Variants in DEFB132 observed in about 807,000 individuals in gnomAD.
DEFB132 encodes the protein defensin beta 132.
Under a neutral mutation model 2.5 loss-of-function variants are expected in DEFB132, and 5 were observed. The ratio of observed to expected loss-of-function variants is 2.00; its 90% confidence interval spans 1.04 to 4.20. DEFB132 has a LOEUF of 4.20. Ranked by LOEUF, DEFB132 falls within the 30% of genes most tolerant of loss-of-function variation. DEFB132 has a pLI of 0.00. For synonymous variants in DEFB132, 53 were observed against 46.2 expected, an observed-to-expected ratio of 1.15 and a Z score of -0.60; for missense variants, 112 against 110.0, an observed-to-expected ratio of 1.02 and a Z score of -0.08.
chr20:259,138 C>A lies in DEFB132; in HGVS notation c.120C>A (p.His40Gln). ...NTPGYCRTCCHWGETALFMCN... is the reference protein window; with the variant it reads ...NTPGYCRTCCQWGETALFMCN... ...CAGGATACTGCAGGACATGTTGCCA[C>A]TGGGGGGAGACAGCATTGTTCATGT... The change falls in exon 2 of 2, where the codon CAC (histidine) becomes CAA (glutamine). Residue 40 changes from histidine to glutamine, a missense_variant. Transcript: ENST00000382376. The A allele has an allele frequency of 6.2e-7, 1 of 1,614,198 alleles. No individual in the cohort carries two copies. Among genetic ancestry groups the A allele is most frequent in the Non-Finnish European group, 8.5e-7 (1 of 1,180,042 alleles).
At position 260,860 on chromosome 20, in the gene DEFB132, G is replaced by T. The variant is rs2011636913; in HGVS notation, c.*1554G>T. The stretch of plus-strand genomic sequence containing the variant: ...ATATAACAATAGAGGCAGAACTCAT[G>T]TAAGAATAAATTGATTAGGTGGTAT... On this transcript the variant is annotated 3_prime_UTR_variant, in exon 2 of 2. Transcript: ENST00000382376. 1 of 152,240 alleles carries T rather than the reference G, an allele frequency of 6.6e-6. No homozygotes were observed. Among genetic ancestry groups the T allele is most frequent in the Non-Finnish European group, 1.5e-5 (1 of 68,046 alleles). 9.4% of individuals were successfully genotyped at this position (152,240 alleles called of 1,614,324 possible). A position where few individuals can be genotyped will look rare whatever the true frequency, so the allele number is the denominator to read the frequency against.
intron 1 of DEFB132, 90 bp from the exon 2 acceptor site, chr20:258,984 CAAA>C (rs1187362740): frequency 4.6e-6 from 6 of 1,303,846 alleles, no homozygotes; most frequent in Non-Finnish European, 6.4e-6. Flanking sequence ...CACCTCAGAA[CAAA>C]AAGCCAAACA....
chr20:258,413 G>C (rs191776212), intron 1 of DEFB132, among the ~76,000 whole-genome samples: 58 of 152,258 alleles, frequency 3.8e-4, no homozygotes, highest in African/African-American at 1.4e-3. Context: ...GAGATCAGAG[G>C]AGGGCCAGGC....
In DEFB132 at chr20:259,319, T is replaced by A. The variant is rs2011616628; in HGVS notation, c.*13T>A. ...CGTAACATCATAATAACCACTGCTA[T>A]CGCCTCCACCAACTCAGAGAAATAT... On this transcript the variant is annotated 3_prime_UTR_variant, in exon 2 of 2. Coordinates refer to ENST00000382376, the MANE Select transcript of DEFB132 (RefSeq NM_207469.3). 2 of 1,612,488 alleles carry A rather than the reference T, an allele frequency of 1.2e-6. No individual in the cohort carries two copies. Among genetic ancestry groups the A allele is most frequent in the African/African-American group, 2.7e-5 (2 of 74,860 alleles).
rs2011639805 is a variant in DEFB132, at chr20:261,039, G to A, written c.*1733G>A. On this transcript the variant is annotated 3_prime_UTR_variant, in exon 2 of 2. Coordinates refer to ENST00000382376, the MANE Select transcript of DEFB132 (RefSeq NM_207469.3). ...ATACTGGTTTGTTGATGGACATTTGGGTTGTTCCCAGTTTATGGCTATTAC... is the reference window on the plus strand; with the variant it reads ...ATACTGGTTTGTTGATGGACATTTGAGTTGTTCCCAGTTTATGGCTATTAC... 6.6e-6 allele frequency: 1 copy of A among 152,092 alleles called. No individual in the cohort carries two copies. Among genetic ancestry groups the A allele is most frequent in the Non-Finnish European group, 1.5e-5 (1 of 68,056 alleles). 9.4% of individuals were successfully genotyped at this position (152,092 alleles called of 1,614,324 possible).
At chr20:258,123 C>T (rs148409643) in intron 1 of DEFB132, among the ~76,000 whole-genome samples, 463 of 152,334 alleles carry the variant, frequency 3.0e-3, no homozygotes, top group Non-Finnish European at 4.7e-3. Flanking sequence ...TTATATCTAA[C>T]CTCCTAAGAC....
chr20:257,742 T>C lies in DEFB132; in HGVS notation c.-37T>C. 1 of 1,599,938 alleles carries C rather than the reference T, an allele frequency of 6.3e-7. No homozygotes were observed. ...ACATTACAGAGGGACCCAACTCCATTAAACCACCACCAGCTCCCCAAGCCA... is the reference window on the plus strand; with the variant it reads ...ACATTACAGAGGGACCCAACTCCATCAAACCACCACCAGCTCCCCAAGCCA... On this transcript the variant is annotated 5_prime_UTR_variant, in exon 1 of 2. Transcript: ENST00000382376.
chr20:259,707 G>A lies in DEFB132; in HGVS notation c.*401G>A. ...TGTCAAAGGAGAGAGGGATAGAGGA[G>A]GATTGAATAGAAGGAGACTAAGACT... On this transcript the variant is annotated 3_prime_UTR_variant, in exon 2 of 2. Coordinates refer to ENST00000382376, the MANE Select transcript of DEFB132 (RefSeq NM_207469.3). The A allele has an allele frequency of 3.8e-6, 1 of 265,960 alleles. No homozygotes were observed. The highest frequency in any genetic ancestry group is 1.1e-4 in the East Asian group (1 of 9,232). The allele number at this position is 265,960 out of a possible 1,614,324, so 16.5% of individuals were successfully genotyped here. A position where few individuals can be genotyped will look rare whatever the true frequency, so the allele number is the denominator to read the frequency against.
chr20:258,653 T>C (rs419762), intron 1 of DEFB132, among the ~76,000 whole-genome samples: 96,913 of 151,930 alleles, frequency 0.64, 31,397 homozygotes, highest in African/African-American at 0.74. Context: ...TGACTCATAT[T>C]TACAGTTTTA....
chr20:257,792 TCCTGG>T lies in DEFB132; in HGVS notation c.15_19del (p.Val7GlyfsTer22). On this transcript the variant is annotated frameshift_variant, in exon 1 of 2. Coordinates refer to ENST00000382376, the MANE Select transcript of DEFB132 (RefSeq NM_207469.3). LOFTEE classifies it low-confidence loss of function (END_TRUNC). ...ACCCCTTCAGCCATGAAGTTCCTGC[TCCTGG>T]TCTTGGCAGCCCTCGGATTCCTGAC... 1 of 1,551,226 alleles carries T rather than the reference TCCTGG, an allele frequency of 6.4e-7. No homozygotes were observed. The highest frequency in any genetic ancestry group is 8.7e-7 in the Non-Finnish European group (1 of 1,151,042).
At chr20:259,008 G>A (rs1348481551) in intron 1 of DEFB132, 69 bp from the exon 2 acceptor site, 2 of 1,498,858 alleles carry the variant, frequency 1.3e-6, no homozygotes. Flanking sequence ...CTCCCATCTG[G>A]CGCTGACGCT....
rs1038030675 is a variant in DEFB132, at chr20:259,321, G to A, written c.*15G>A. ...TAACATCATAATAACCACTGCTATC[G>A]CCTCCACCAACTCAGAGAAATATCA... On this transcript the variant is annotated 3_prime_UTR_variant, in exon 2 of 2. Transcript: ENST00000382376. 13 of 1,611,706 alleles carry A rather than the reference G, an allele frequency of 8.1e-6. No homozygotes were observed. Among genetic ancestry groups the A allele is most frequent in the East Asian group, 6.7e-5 (3 of 44,884 alleles).
chr20:260,183 A>G lies in DEFB132; in HGVS notation c.*877A>G, dbSNP rs1276256186. 3 of 152,238 alleles carry G rather than the reference A, an allele frequency of 2.0e-5. No homozygotes were observed. The highest frequency in any genetic ancestry group is 7.2e-5 in the African/African-American group (3 of 41,464). The allele number at this position is 152,238 out of a possible 1,614,324, so 9.4% of individuals were successfully genotyped here. A position where few individuals can be genotyped will look rare whatever the true frequency, so the allele number is the denominator to read the frequency against. On this transcript the variant is annotated 3_prime_UTR_variant, in exon 2 of 2. Transcript: ENST00000382376. ...TGCCTACTCATGGTGTCAAATTGGC[A>G]TAATCCTCTTGGGAAGCTGTGTGGA...
At position 260,607 on chromosome 20, in the gene DEFB132, G is replaced by C. The variant is rs189854433; in HGVS notation, c.*1301G>C. 2 of 152,050 alleles carry C rather than the reference G, an allele frequency of 1.3e-5. No individual in the cohort carries two copies. Among genetic ancestry groups the C allele is most frequent in the South Asian group, 4.1e-4 (2 of 4,824 alleles). 9.4% of individuals were successfully genotyped at this position (152,050 alleles called of 1,614,324 possible). A position where few individuals can be genotyped will look rare whatever the true frequency, so the allele number is the denominator to read the frequency against. On this transcript the variant is annotated 3_prime_UTR_variant, in exon 2 of 2. Coordinates refer to ENST00000382376, the MANE Select transcript of DEFB132 (RefSeq NM_207469.3). ...GTTTTATATAACATTTATTTGACAC[G>C]TACTGACTTCTATCTGAGAAGAACA...
rs1409415163 is a variant in DEFB132, at chr20:260,441, CATT to C, written c.*1139_*1141del. 2 of 152,070 alleles carry C rather than the reference CATT, an allele frequency of 1.3e-5. No homozygotes were observed. Among genetic ancestry groups the C allele is most frequent in the African/African-American group, 4.8e-5 (2 of 41,396 alleles). The allele number at this position is 152,070 out of a possible 1,614,324, so 9.4% of individuals were successfully genotyped here. On this transcript the variant is annotated 3_prime_UTR_variant, in exon 2 of 2. Transcript: ENST00000382376. The stretch of plus-strand genomic sequence containing the variant: ...TTTATAGAATAATGGAACATAATAA[CATT>C]ATTCAAAATTGCATTTATGCTATAG...
In DEFB132 at chr20:259,292, AC is replaced by A; in HGVS notation, c.276del (p.Val93Ter). ...TQRKDKKQQT[T>X]VTS ...AAGGAAAGACAAGAAGCAACAAACG[AC>A]CGTAACATCATAATAACCACTGCTA... is the stretch of plus-strand genomic sequence containing the variant. On this transcript the variant is annotated frameshift_variant, in exon 2 of 2. Coordinates refer to ENST00000382376, the MANE Select transcript of DEFB132 (RefSeq NM_207469.3). LOFTEE classifies it high-confidence loss of function. 1 of 1,614,072 alleles carries A rather than the reference AC, an allele frequency of 6.2e-7. No individual in the cohort carries two copies. Among genetic ancestry groups the A allele is most frequent in the Non-Finnish European group, 8.5e-7 (1 of 1,179,996 alleles).
chr20:257,839 A>C lies in DEFB132; in HGVS notation c.58+3A>C. 6.2e-7 allele frequency: 1 copy of C among 1,605,864 alleles called. No homozygotes were observed. The highest frequency in any genetic ancestry group is 8.5e-7 in the Non-Finnish European group (1 of 1,173,860). ...ATTCCTGACCCAGGTGATCCCAGGT[A>C]AACTGGATAAATAGGAGGAAAGGAA... On this transcript the variant is annotated splice_donor_region_variant and intron_variant, in intron 1 of 1. Coordinates refer to ENST00000382376, the MANE Select transcript of DEFB132 (RefSeq NM_207469.3).
intron 1 of DEFB132, among the ~76,000 whole-genome samples, chr20:258,203 T>A (rs2011602149): frequency 6.6e-6 from 1 of 152,172 alleles, no homozygotes; most frequent in Admixed American, 6.5e-5. Flanking sequence ...CAAAGGAGAT[T>A]TTGAGCCTAG....
intron 1 of DEFB132, 57 bp downstream of exon 1, chr20:257,893 T>C: frequency 6.4e-7 from 1 of 1,556,344 alleles, no homozygotes; most frequent in Non-Finnish European, 8.8e-7. Flanking sequence ...CTAGCATATC[T>C]GGTTGCTCTG....
Sources: gnomAD v4.1 joint callset for allele counts (sites outside exome capture counted in the v4.1 genomes callset) on GRCh38, gnomAD v4.1.1 for gene constraint, MANE v1.5 for transcripts, NCBI Gene and HGNC (gene_info 2026-07-23, HGNC 2026-07-21) for gene names.